Variants in DOCK4 observed in about 807,000 individuals in gnomAD.
The protein encoded by DOCK4 is dedicator of cytokinesis 4.
DOCK4 carries 97 observed loss-of-function variants against 268.1 expected under a neutral mutation model. That is an observed-to-expected ratio of 0.36 (90% CI 0.31 to 0.43). The LOEUF is 0.43. Among genes scored for constraint, DOCK4 ranks in the 20% least tolerant of loss-of-function variants. DOCK4 has a pLI of 1.00. For synonymous variants in DOCK4, 954 were observed against 887.2 expected (o/e 1.08, Z -1.34); for missense variants, 2,145 against 2,455.7 (o/e 0.87, Z 2.67).
At chr7:112,042,760 A>G (rs992772859) in intron 1 of DOCK4, among the ~76,000 whole-genome samples, 1 of 152,036 alleles carries the variant, frequency 6.6e-6, no homozygotes, top group Non-Finnish European at 1.5e-5. Flanking sequence ...CTCCTCTGAA[A>G]CTCATGTTGA....
intron 25 of DOCK4, among the ~76,000 whole-genome samples, chr7:111,837,646 A>C (rs1402443754): frequency 6.6e-6 from 1 of 152,232 alleles, no homozygotes; most frequent in East Asian, 1.9e-4. Context: ...TAATATCATT[A>C]AAATATGAAA....
chr7:111,870,310 T>C (rs1259625986), intron 20 of DOCK4, among the ~76,000 whole-genome samples: 2 of 151,714 alleles, frequency 1.3e-5, no homozygotes, highest in East Asian at 3.9e-4. Context: ...TTTCTCTTTT[T>C]TCTTTTTCTT....
At chr7:111,775,403 C>T (rs1264040705) in intron 36 of DOCK4, among the ~76,000 whole-genome samples, 1 of 152,188 alleles carries the variant, frequency 6.6e-6, no homozygotes, top group Non-Finnish European at 1.5e-5. Context: ...GGAGTACATG[C>T]ATTCCACCCT....
intron 8 of DOCK4, among the ~76,000 whole-genome samples, chr7:111,962,577 G>C (rs1305161170): frequency 2.0e-5 from 3 of 152,140 alleles, no homozygotes; most frequent in African/African-American, 7.2e-5. Flanking sequence ...AAAGGTATGT[G>C]TCTTGGGGGT....
intron 10 of DOCK4, among the ~76,000 whole-genome samples, chr7:111,943,002 A>G (rs1321725556): frequency 6.6e-6 from 1 of 152,206 alleles, no homozygotes; most frequent in Non-Finnish European, 1.5e-5. Context: ...CTGAAAGACA[A>G]TGATCTGCCA....
At chr7:111,731,868 G>A (rs1443933785) in intron 52 of DOCK4, among the ~76,000 whole-genome samples, 3 of 152,072 alleles carry the variant, frequency 2.0e-5, no homozygotes, top group Non-Finnish European at 4.4e-5. Flanking sequence ...AAGTGTGTGT[G>A]TGTGTGTTTG....
intron 35 of DOCK4, among the ~76,000 whole-genome samples, chr7:111,782,310 T>G (rs1798833137): frequency 6.6e-6 from 1 of 152,184 alleles, no homozygotes; most frequent in Non-Finnish European, 1.5e-5. Context: ...TGCTTGGTCA[T>G]CCTAGTTACA....
At chr7:112,092,090 T>C (rs1198164466) in intron 1 of DOCK4, among the ~76,000 whole-genome samples, 1 of 152,144 alleles carries the variant, frequency 6.6e-6, no homozygotes. Flanking sequence ...TTCTCAATAT[T>C]GAGCCCTGTT....
chr7:111,800,483 G>A (rs1406011303), intron 30 of DOCK4, among the ~76,000 whole-genome samples: 1 of 152,068 alleles, frequency 6.6e-6, no homozygotes, highest in Non-Finnish European at 1.5e-5. Context: ...CAAGAAAAAT[G>A]TTACTTTTAT....
chr7:111,760,369 A>T, intron 39 of DOCK4, 47 bp from the exon 40 acceptor site: 4 of 1,575,988 alleles, frequency 2.5e-6, no homozygotes, highest in Non-Finnish European at 3.5e-6. Flanking sequence ...AACTGAGTGG[A>T]TTACAGACAG....
At chr7:112,061,739 T>A (rs903807275) in intron 1 of DOCK4, among the ~76,000 whole-genome samples, 7 of 137,222 alleles carry the variant, frequency 5.1e-5, no homozygotes, top group Non-Finnish European at 9.4e-5. Flanking sequence ...ATTAACAATG[T>A]CACACACACA....
chr7:111,822,319 T>G, intron 27 of DOCK4, 43 bp downstream of exon 27: 3 of 1,522,828 alleles, frequency 2.0e-6, no homozygotes, highest in Non-Finnish European at 2.7e-6. Flanking sequence ...CCCTTCTTCC[T>G]CTATACATTG....
intron 29 of DOCK4, 115 bp downstream of exon 29, chr7:111,809,178 CCCCTTGGT>C: frequency 1.2e-6 from 1 of 808,766 alleles, no homozygotes; most frequent in Non-Finnish European, 2.0e-6. Flanking sequence ...TGCTTCTTGA[CCCCTTGGT>C]CACTGGTTCT....
intron 40 of DOCK4, 110 bp from the exon 41 acceptor site, chr7:111,758,900 A>G (rs1366188325): frequency 3.0e-6 from 3 of 1,013,404 alleles, no homozygotes; most frequent in Non-Finnish European, 4.3e-6. Flanking sequence ...TTCTGTTTCC[A>G]TTTCAGTTGA....
Position 111,976,155 on chromosome 7 carries a change from A to ATATAT in DOCK4, c.701+976_701+977insATATA, listed in dbSNP as rs1378581490. On this transcript the variant is annotated intron_variant, in intron 8 of 52. Transcript: ENST00000428084. ...GACTCCATCTCAAAAAAAAAAAAAA[A>ATATAT]AAAAAAATATATATATATATATACA... Among the ~76,000 whole-genome samples, 105 of 73,486 alleles carry ATATAT rather than the reference A, an allele frequency of 1.4e-3. 8 individuals are homozygous for ATATAT. The highest frequency in any genetic ancestry group is 7.9e-3 in the African/African-American group (91 of 11,554). 48.2% of individuals were successfully genotyped at this position (73,486 alleles called of 152,430 possible). A position where few individuals can be genotyped will look rare whatever the true frequency, so the allele number is the denominator to read the frequency against.
chr7:111,769,691 G>A lies in DOCK4; in HGVS notation c.3680-14C>T, dbSNP rs188679810. ...TATATGCAGCTTCTGCAAGTCACGT[G>A]AGAAGACAATGATTGAGACAGGACC... is the stretch of plus-strand genomic sequence containing the variant. On this transcript the variant is annotated splice_polypyrimidine_tract_variant and intron_variant, in intron 36 of 52. Coordinates refer to ENST00000428084, the MANE Select transcript of DOCK4 (RefSeq NM_001363540.2). The A allele has an allele frequency of 4.2e-5, 68 of 1,611,166 alleles. No homozygotes were observed. In the East Asian group the frequency reaches 1.4e-3, roughly 33 times the overall value.
At chr7:112,131,226 T>C (rs954801317) in intron 1 of DOCK4, among the ~76,000 whole-genome samples, 1 of 152,166 alleles carries the variant, frequency 6.6e-6, no homozygotes, top group African/African-American at 2.4e-5. Context: ...GCACTTGAGA[T>C]TGTTTTAAAA....
intron 1 of DOCK4, among the ~76,000 whole-genome samples, chr7:112,171,416 C>CT (rs1167560910): frequency 6.7e-6 from 1 of 149,534 alleles, no homozygotes; most frequent in African/African-American, 2.4e-5. Flanking sequence ...ACTGTTTTTT[C>CT]TTTTTTTATA....
intron 1 of DOCK4, among the ~76,000 whole-genome samples, chr7:112,163,895 A>ATTCATCCATCCT (rs1312698676): frequency 1.3e-5 from 2 of 152,214 alleles, no homozygotes; most frequent in Non-Finnish European, 2.9e-5. Flanking sequence ...TCTAGCACAT[A>ATTCATCCATCCT]TTCATCCATC....
Sources: gnomAD v4.1 joint callset for allele counts (sites outside exome capture counted in the v4.1 genomes callset) on GRCh38, gnomAD v4.1.1 for gene constraint, MANE v1.5 for transcripts, NCBI Gene and HGNC (gene_info 2026-07-23, HGNC 2026-07-21) for gene names.